The following ERI1 variants were observed in gnomAD, a reference collection of about 807,000 sequenced individuals.
ERI1 encodes exoribonuclease 1.
In ERI1, 39 loss-of-function variants were observed where a neutral mutation model predicts 39.7. That is an observed-to-expected ratio of 0.98 (90% confidence interval 0.76 to 1.28). The LOEUF is 1.28. Ranked by LOEUF, ERI1 falls within the 50% of genes most tolerant of loss-of-function variation. The pLI is 0.00. For synonymous variants in ERI1, 204 were observed against 149.6 expected, an observed-to-expected ratio of 1.36 and a Z score of -2.65; for missense variants, 581 against 416.9, an observed-to-expected ratio of 1.39 and a Z score of -3.43.
intron 3 of ERI1, among the ~76,000 whole-genome samples, chr8:9,089,092 C>T (rs1390705706): frequency 1.3e-5 from 2 of 152,188 alleles, no homozygotes; most frequent in African/African-American, 2.4e-5. Context: ...CACTAAGGCT[C>T]GGTTTCCTCA....
At chr8:9,062,179 A>G (rs1279211425) in intron 3 of ERI1, among the ~76,000 whole-genome samples, 3 of 152,246 alleles carry the variant, frequency 2.0e-5, no homozygotes, top group East Asian at 3.9e-4. Flanking sequence ...GCTGTGGGAC[A>G]GGATATTGGC....
chr8:9,072,699 T>C (rs1263580040), intron 3 of ERI1, among the ~76,000 whole-genome samples: 1 of 152,118 alleles, frequency 6.6e-6, no homozygotes, highest in African/African-American at 2.4e-5. Context: ...TCCGCCACTA[T>C]TTTTGATCAA....
intron 2 of ERI1, chr8:9,009,220 G>C (rs1168457683): frequency 2.8e-6 from 1 of 354,742 alleles, no homozygotes; most frequent in Admixed American, 3.8e-5. Context: ...GGTAAATACA[G>C]ATATGTTCCC....
intron 3 of ERI1, among the ~76,000 whole-genome samples, chr8:9,098,733 A>AT (rs562835178): frequency 2.0e-5 from 3 of 152,076 alleles, no homozygotes; most frequent in Non-Finnish European, 2.9e-5. Flanking sequence ...TAAAAAAAAA[A>AT]TTTTTAATAA....
intron 3 of ERI1, among the ~76,000 whole-genome samples, chr8:9,078,343 A>G (rs765583310): frequency 4.8e-5 from 7 of 145,612 alleles, no homozygotes; most frequent in Non-Finnish European, 1.1e-4. Flanking sequence ...TTTTTTTTTT[A>G]GCTCATACAG....
At chr8:9,073,796 G>T (rs74442448) in intron 3 of ERI1, among the ~76,000 whole-genome samples, 11,549 of 152,174 alleles carry the variant, frequency 0.076, 582 homozygotes, top group East Asian at 0.19. Flanking sequence ...TCTAAGGACT[G>T]ACATGAAACT....
At chr8:9,082,550 G>A (rs1443429649) in intron 3 of ERI1, among the ~76,000 whole-genome samples, 4 of 152,140 alleles carry the variant, frequency 2.6e-5, no homozygotes, top group Non-Finnish European at 5.9e-5. Flanking sequence ...AGATGCAACA[G>A]CAGGAATGAT....
chr8:9,042,108 G>A (rs775784224), intron 3 of ERI1, among the ~76,000 whole-genome samples: 4 of 152,150 alleles, frequency 2.6e-5, no homozygotes, highest in Non-Finnish European at 5.9e-5. Context: ...AAACCCACCT[G>A]GGGGAAAGAA....
At chr8:9,055,054 C>T (rs1194289059) in intron 3 of ERI1, among the ~76,000 whole-genome samples, 3 of 152,128 alleles carry the variant, frequency 2.0e-5, no homozygotes, top group Admixed American at 6.5e-5. Context: ...ATTGAGTAAA[C>T]AACAATTCGC....
At chr8:9,093,336 C>T (rs1361307669) in intron 3 of ERI1, among the ~76,000 whole-genome samples, 1 of 152,022 alleles carries the variant, frequency 6.6e-6, no homozygotes, top group Non-Finnish European at 1.5e-5. Context: ...GCATGTGGCC[C>T]AAGGGCTGCA....
intron 1 of ERI1, among the ~76,000 whole-genome samples, chr8:9,006,636 A>G (rs948754863): frequency 6.6e-6 from 1 of 152,220 alleles, no homozygotes; most frequent in African/African-American, 2.4e-5. Context: ...TTGTAAATCT[A>G]ATATATTGTT....
chr8:9,005,531 T>G (rs1344279502), intron 1 of ERI1, among the ~76,000 whole-genome samples: 1 of 148,832 alleles, frequency 6.7e-6, no homozygotes, highest in Non-Finnish European at 1.5e-5. Flanking sequence ...TTTTTTTTTT[T>G]TGAGAGGGAG....
At chr8:9,005,291 C>T (rs573623269) in intron 1 of ERI1, among the ~76,000 whole-genome samples, 1 of 151,972 alleles carries the variant, frequency 6.6e-6, no homozygotes, top group South Asian at 2.1e-4. Context: ...AAAATGTTCT[C>T]TATACAGAAA....
chr8:9,009,346 A>G (rs1218750977), intron 2 of ERI1, among the ~76,000 whole-genome samples: 1 of 152,086 alleles, frequency 6.6e-6, no homozygotes, highest in African/African-American at 2.4e-5. Flanking sequence ...AGAGGAGAAT[A>G]TTTCTCAGGA....
At chr8:9,006,106 T>C (rs1358749951) in intron 1 of ERI1, among the ~76,000 whole-genome samples, 2 of 152,270 alleles carry the variant, frequency 1.3e-5, no homozygotes, top group East Asian at 3.8e-4. Context: ...AAACTAATTT[T>C]GTCTTTCTGC....
At chr8:9,071,706 G>A (rs1171127646) in intron 3 of ERI1, among the ~76,000 whole-genome samples, 1 of 152,204 alleles carries the variant, frequency 6.6e-6, no homozygotes, top group Non-Finnish European at 1.5e-5. Context: ...TCAAACTGTA[G>A]CACCTTCATC....
intron 3 of ERI1, chr8:9,096,744 C>T (rs1003207828): frequency 9.3e-6 from 1 of 107,886 alleles, no homozygotes; most frequent in Non-Finnish European, 1.7e-5. Flanking sequence ...TCTTTTCAGA[C>T]GGGATCTCAC....
chr8:9,083,501 A>T (rs1218272064), intron 3 of ERI1, among the ~76,000 whole-genome samples: 1 of 152,252 alleles, frequency 6.6e-6, no homozygotes, highest in Non-Finnish European at 1.5e-5. Context: ...AAGAGAGAAC[A>T]GTGCGATGAA....
intron 3 of ERI1, among the ~76,000 whole-genome samples, chr8:9,048,206 C>T (rs747238783): frequency 9.2e-5 from 14 of 152,210 alleles, no homozygotes; most frequent in South Asian, 2.1e-4. Flanking sequence ...CCAGCGCAGA[C>T]GCTGGGCTGT....
Sources: allele counts gnomAD v4.1 joint callset (sites outside exome capture counted in the v4.1 genomes callset), GRCh38; gene constraint gnomAD v4.1.1; transcripts MANE v1.5; gene names NCBI Gene and HGNC (gene_info 2026-07-23, HGNC 2026-07-21).